Variants in PCDH9 observed in about 807,000 individuals in gnomAD.
PCDH9 encodes protocadherin-9.
In PCDH9, 24 loss-of-function variants were observed where a neutral mutation model predicts 70.6. The observed-to-expected ratio is 0.34, with a 90% CI of 0.25 to 0.48. The LOEUF (loss-of-function observed/expected upper bound fraction) is 0.48. Among genes scored for constraint, PCDH9 ranks in the 20% least tolerant of loss-of-function variants. PCDH9 has a pLI of 0.99. For missense variants in PCDH9, 1,281 were observed against 1,503.6 expected, an observed-to-expected ratio of 0.85 and a Z score of 2.45; for synonymous variants, 562 against 558.5, an observed-to-expected ratio of 1.01 and a Z score of -0.09.
At chr13:66,897,419 C>T (rs1052723523) in intron 3 of PCDH9, among the ~76,000 whole-genome samples, 5 of 152,088 alleles carry the variant, frequency 3.3e-5, no homozygotes, top group African/African-American at 1.2e-4. Context: ...ATGTCTAGTA[C>T]CCTATCCATG....
intron 4 of PCDH9, among the ~76,000 whole-genome samples, chr13:66,542,045 A>C (rs989206667): frequency 6.6e-6 from 1 of 152,184 alleles, no homozygotes; most frequent in Non-Finnish European, 1.5e-5. Flanking sequence ...AAAATGAGTT[A>C]AGGAAAAGCC....
At chr13:67,074,030 TTCTATCTATCTA>T (rs35805308) in intron 2 of PCDH9, among the ~76,000 whole-genome samples, 45 of 149,024 alleles carry the variant, frequency 3.0e-4, no homozygotes, top group Admixed American at 4.7e-4. Flanking sequence ...TGAGATGAAA[TTCTATCTATCTA>T]TCTATCTATC....
At chr13:66,750,948 A>G (rs549593956) in intron 3 of PCDH9, among the ~76,000 whole-genome samples, 1 of 152,308 alleles carries the variant, frequency 6.6e-6, no homozygotes, top group East Asian at 1.9e-4. Flanking sequence ...AGTACAGCAC[A>G]TTAATGAAGT....
At chr13:66,382,885 A>T (rs1956871908) in intron 4 of PCDH9, among the ~76,000 whole-genome samples, 1 of 152,140 alleles carries the variant, frequency 6.6e-6, no homozygotes, top group South Asian at 2.1e-4. Context: ...ACAAAAAATC[A>T]GCCAGGCGTG....
At chr13:66,748,827 G>T (rs1456839690) in intron 3 of PCDH9, among the ~76,000 whole-genome samples, 1 of 152,072 alleles carries the variant, frequency 6.6e-6, no homozygotes, top group Non-Finnish European at 1.5e-5. Context: ...CTCTAATGTG[G>T]TTTGGCTCTG....
chr13:66,821,509 G>C (rs2080711405), intron 3 of PCDH9, among the ~76,000 whole-genome samples: 2 of 152,110 alleles, frequency 1.3e-5, no homozygotes, highest in Non-Finnish European at 2.9e-5. Flanking sequence ...CTCCTACCAA[G>C]TACTTAGTCA....
intron 2 of PCDH9, among the ~76,000 whole-genome samples, chr13:67,045,498 G>C (rs763881472): frequency 1.1e-4 from 16 of 151,252 alleles, no homozygotes; most frequent in Non-Finnish European, 8.8e-5. Flanking sequence ...TTCCACTTTA[G>C]ATCACTTGGT....
intron 3 of PCDH9, among the ~76,000 whole-genome samples, chr13:66,746,630 AT>A (rs2079368410): frequency 1.3e-5 from 2 of 152,318 alleles, no homozygotes; most frequent in South Asian, 4.1e-4. Context: ...AGTATATACA[AT>A]TTGATTTGTA....
At chr13:67,176,846 A>T (rs2088474849) in intron 2 of PCDH9, among the ~76,000 whole-genome samples, 1 of 152,156 alleles carries the variant, frequency 6.6e-6, no homozygotes, top group Non-Finnish European at 1.5e-5. Context: ...CATTTATCTA[A>T]TATAATAAAG....
chr13:66,918,333 C>T (rs1010025443), intron 2 of PCDH9, among the ~76,000 whole-genome samples: 3 of 151,280 alleles, frequency 2.0e-5, no homozygotes, highest in South Asian at 4.2e-4. Flanking sequence ...TTGGTTTCCA[C>T]GAGATCGCTA....
intron 2 of PCDH9, among the ~76,000 whole-genome samples, chr13:67,078,596 C>T (rs1399237117): frequency 6.6e-6 from 1 of 152,088 alleles, no homozygotes; most frequent in African/African-American, 2.4e-5. Flanking sequence ...AAGCTCAAAT[C>T]CCAAATGTGC....
intron 2 of PCDH9, among the ~76,000 whole-genome samples, chr13:67,087,932 A>G (rs61959367): frequency 0.11 from 16,487 of 151,970 alleles, 967 homozygotes; most frequent in African/African-American, 0.12. Flanking sequence ...TCCCGCACCA[A>G]ATTGTAACAG....
chr13:67,224,949 C>T lies in PCDH9; in HGVS notation c.3036+456G>A, dbSNP rs2089819435. On this transcript the variant is annotated intron_variant, in intron 2 of 4. Transcript: ENST00000377865. ...TAGAGACTAAAAAAAAAATTAACCC[C>T]TTTAGCAACCATAGCTGCAACATAA... 4 of 1,002,950 alleles carry T rather than the reference C, an allele frequency of 4.0e-6. No homozygotes were observed. In the South Asian group the frequency reaches 1.3e-4, roughly 33 times the overall value. The allele number at this position is 1,002,950 out of a possible 1,614,324, so 62.1% of individuals were successfully genotyped here.
At chr13:66,934,197 A>G (rs74093663) in intron 2 of PCDH9, among the ~76,000 whole-genome samples, 5,481 of 152,194 alleles carry the variant, frequency 0.036, 239 homozygotes, top group African/African-American at 0.099. Flanking sequence ...TAAGTTGATT[A>G]TTATTCAAAC....
chr13:66,483,061 A>T (rs1958869732), intron 4 of PCDH9, among the ~76,000 whole-genome samples: 1 of 152,164 alleles, frequency 6.6e-6, no homozygotes, highest in Non-Finnish European at 1.5e-5. Context: ...AACGTATACC[A>T]TATGATTGAT....
intron 2 of PCDH9, among the ~76,000 whole-genome samples, chr13:67,152,098 G>C (rs2087677377): frequency 6.6e-6 from 1 of 152,030 alleles, no homozygotes; most frequent in Non-Finnish European, 1.5e-5. Context: ...AAGACTTTTT[G>C]TGTCCTATTT....
chr13:66,447,228 T>C (rs1958110539), intron 4 of PCDH9, among the ~76,000 whole-genome samples: 2 of 152,054 alleles, frequency 1.3e-5, no homozygotes, highest in Non-Finnish European at 2.9e-5. Flanking sequence ...CAAAATAGAT[T>C]TCCTTTATCA....
chr13:66,402,785 C>T (rs1422661601), intron 4 of PCDH9, among the ~76,000 whole-genome samples: 1 of 151,956 alleles, frequency 6.6e-6, no homozygotes, highest in Non-Finnish European at 1.5e-5. Flanking sequence ...GAAAACAAAA[C>T]AATGAAAAAT....
chr13:66,786,438 C>T (rs1430472373), intron 3 of PCDH9, among the ~76,000 whole-genome samples: 1 of 152,120 alleles, frequency 6.6e-6, no homozygotes, highest in Non-Finnish European at 1.5e-5. Context: ...AGAAAACTGT[C>T]CCAATTGTCA....
Sources: gnomAD v4.1 joint callset for allele counts (sites outside exome capture counted in the v4.1 genomes callset) on GRCh38, gnomAD v4.1.1 for gene constraint, MANE v1.5 for transcripts, NCBI Gene and HGNC (gene_info 2026-07-23, HGNC 2026-07-21) for gene names.